The following MYO7A variants were observed in gnomAD, a reference collection of about 807,000 sequenced individuals.
MYO7A encodes myosin VIIA.
A neutral mutation model predicts 263.8 loss-of-function variants in MYO7A; 210 were observed. The ratio of observed to expected loss-of-function variants is 0.80; its 90% confidence interval spans 0.71 to 0.89. The LOEUF (loss-of-function observed/expected upper bound fraction) is 0.89, where lower values mean the gene tolerates loss of function less well. MYO7A is among the 40% of genes least tolerant of loss of function. The pLI, the probability that MYO7A is intolerant of heterozygous loss-of-function variation, is 0.00. For synonymous variants in MYO7A, 1,239 were observed against 1,197.3 expected (o/e 1.03, Z -0.72); for missense variants, 2,820 against 2,968.3 (o/e 0.95, Z 1.16).
In MYO7A at chr11:77,142,705, A is replaced by G. The variant is rs1267488205; in HGVS notation, c.19-4A>G. 9 of 1,607,016 alleles carry G rather than the reference A, an allele frequency of 5.6e-6. No homozygotes were observed. The highest frequency in any genetic ancestry group is 6.8e-6 in the Non-Finnish European group (8 of 1,176,878). ...CCTGGGCTGAGACTCTCTCTCGCCC[A>G]TAGGGGGACCATGTGTGGATGGACC... On this transcript the variant is annotated splice_region_variant and splice_polypyrimidine_tract_variant and intron_variant, in intron 2 of 48. Coordinates refer to ENST00000409709, the MANE Select transcript of MYO7A (RefSeq NM_000260.4).
chr11:77,208,854 A>C, intron 44 of MYO7A, 51 bp downstream of exon 44: 1 of 1,408,820 alleles, frequency 7.1e-7, no homozygotes, highest in Middle Eastern at 1.7e-4. Context: ...GCGTTGCTGT[A>C]CTTTGGCCCT....
chr11:77,175,050 G>A, intron 17 of MYO7A, 136 bp downstream of exon 17: 1 of 1,156,612 alleles, frequency 8.6e-7, no homozygotes, highest in Non-Finnish European at 1.2e-6. Context: ...GGAAAATTGG[G>A]GTTCAGGTAT....
At chr11:77,209,318 A>T (rs1387667719) in intron 44 of MYO7A, 1 of 155,394 alleles carries the variant, frequency 6.4e-6, no homozygotes, top group Non-Finnish European at 1.4e-5. Flanking sequence ...CACACAGCTG[A>T]TGGAACTGGG....
chr11:77,139,914 C>T (rs1555049609), intron 2 of MYO7A, among the ~76,000 whole-genome samples: 1 of 152,172 alleles, frequency 6.6e-6, no homozygotes, highest in East Asian at 1.9e-4. Flanking sequence ...CAGGAATATT[C>T]CCCTTCAGAA....
chr11:77,156,567 G>A lies in MYO7A; in HGVS notation c.471-93G>A, dbSNP rs1952473435. On this transcript the variant is annotated intron_variant, in intron 5 of 48. Coordinates refer to ENST00000409709, the MANE Select transcript of MYO7A (RefSeq NM_000260.4). ...TATTGTCAGCTGATATTACAGATGG[G>A]GGAGCTGGTGGATGGTGCAGCCTGG... The A allele has an allele frequency of 3.9e-6, 6 of 1,555,590 alleles. No individual in the cohort carries two copies. The South Asian group carries it at 5.8e-5, about 15-fold the overall frequency.
At chr11:77,169,208 C>G (rs1013107892) in intron 15 of MYO7A, among the ~76,000 whole-genome samples, 9 of 152,356 alleles carry the variant, frequency 5.9e-5, no homozygotes, top group Non-Finnish European at 8.8e-5. Flanking sequence ...ATCTGCACTC[C>G]CATCATCGGC....
chr11:77,175,359 A>T lies in MYO7A; in HGVS notation c.2095-13A>T, dbSNP rs1555079400. The stretch of plus-strand genomic sequence containing the variant: ...GGCTGTCCATTCCCTTGTGTTCCCC[A>T]TCCTCACTCCAGGGCGACCTCCGCG... On this transcript the variant is annotated splice_polypyrimidine_tract_variant and intron_variant, in intron 17 of 48. Transcript: ENST00000409709. 1 of 1,612,390 alleles carries T rather than the reference A, an allele frequency of 6.2e-7. No individual in the cohort carries two copies. The highest frequency in any genetic ancestry group is 1.7e-5 in the Admixed American group (1 of 60,018).
At chr11:77,170,871 A>G (rs1954025511) in intron 15 of MYO7A, among the ~76,000 whole-genome samples, 1 of 152,162 alleles carries the variant, frequency 6.6e-6, no homozygotes, top group Admixed American at 6.5e-5. Flanking sequence ...TAGAGCCTGT[A>G]GGATTTGCGG....
chr11:77,166,306 C>T (rs183375822), intron 15 of MYO7A, 144 bp downstream of exon 15: 1 of 699,174 alleles, frequency 1.4e-6, no homozygotes. Context: ...CAGGAGGGGC[C>T]TGGAGGGGCC....
intron 25 of MYO7A, among the ~76,000 whole-genome samples, chr11:77,182,862 T>C (rs965658372): frequency 2.6e-5 from 4 of 152,040 alleles, no homozygotes; most frequent in Non-Finnish European, 5.9e-5. Context: ...TCCCGTACTA[T>C]GTTTTTCTGA....
chr11:77,153,317 G>A (rs1255765248), intron 4 of MYO7A, among the ~76,000 whole-genome samples: 1 of 152,124 alleles, frequency 6.6e-6, no homozygotes, highest in Non-Finnish European at 1.5e-5. Flanking sequence ...GGTGCTGTTG[G>A]TCGAGTTGGG....
intron 44 of MYO7A, among the ~76,000 whole-genome samples, chr11:77,209,887 G>GC (rs1452311398): frequency 8.1e-4 from 124 of 152,300 alleles, no homozygotes; most frequent in African/African-American, 2.9e-3. Context: ...GCCCTGCCTG[G>GC]TGGTGCCACT....
intron 4 of MYO7A, among the ~76,000 whole-genome samples, chr11:77,148,838 T>A (rs997325522): frequency 4.6e-5 from 7 of 152,234 alleles, no homozygotes; most frequent in Non-Finnish European, 1.0e-4. Context: ...AAGAGTAGCA[T>A]TGTTTTTACA....
rs114071097 is a variant in MYO7A at position 77,163,346 on chromosome 11, T to C, written c.1690+358T>C. Among the ~76,000 whole-genome samples the C allele has an allele frequency of 8.8e-3, 1,347 of 152,298 alleles. 18 individuals are homozygous for C. Among genetic ancestry groups the C allele is most frequent in the African/African-American group, 0.031 (1,287 of 41,548 alleles). ...TAGGTACCTCATATAAGTGGAATCA[T>C]ATGCTATGGCCATACATCGTTTAAC... is the stretch of plus-strand genomic sequence containing the variant. On this transcript the variant is annotated intron_variant, in intron 14 of 48. Coordinates refer to ENST00000409709, the MANE Select transcript of MYO7A (RefSeq NM_000260.4).
intron 14 of MYO7A, 76 bp from the exon 15 acceptor site, chr11:77,165,980 T>A: frequency 9.3e-7 from 1 of 1,079,324 alleles, no homozygotes; most frequent in Non-Finnish European, 1.4e-6. Context: ...TTGAGGGTCC[T>A]CCTGGCTCAG....
At chr11:77,165,126 A>G (rs557291796) in intron 14 of MYO7A, among the ~76,000 whole-genome samples, 1 of 152,306 alleles carries the variant, frequency 6.6e-6, no homozygotes, top group Non-Finnish European at 1.5e-5. Flanking sequence ...TGAGAACCCA[A>G]TTACATCCCA....
rs368758657 is a variant in MYO7A at position 77,140,247 on chromosome 11, C to T, written c.19-2462C>T. On this transcript the variant is annotated intron_variant, in intron 2 of 48. Coordinates refer to ENST00000409709, the MANE Select transcript of MYO7A (RefSeq NM_000260.4). Reference sequence around the variant, plus strand: ...AGAGAGACCCCTGCCTTCCAGCTGCCCTCAGCCTAAGTCTCCAGCTTGCCT... The same window carrying T: ...AGAGAGACCCCTGCCTTCCAGCTGCTCTCAGCCTAAGTCTCCAGCTTGCCT... Among the ~76,000 whole-genome samples the T allele has an allele frequency of 3.4e-3, 513 of 152,334 alleles. 5 individuals are homozygous for T. Among genetic ancestry groups the T allele is most frequent in the African/African-American group, 0.012 (484 of 41,572 alleles).
At chr11:77,212,231 G>A (rs1414530770) in intron 46 of MYO7A, 2 of 541,602 alleles carry the variant, frequency 3.7e-6, no homozygotes, top group South Asian at 3.1e-5. Flanking sequence ...CCAGGTGGCA[G>A]AGCTCGGGAG....
rs186797107 is a variant in MYO7A at position 77,163,427 on chromosome 11, T to G, written c.1690+439T>G. ...TTGGTCATTGTCAATCATTGTAGAG[T>G]GTAGTTATACACCTAGATGGTCCAG... On this transcript the variant is annotated intron_variant, in intron 14 of 48. Transcript: ENST00000409709. Among the ~76,000 whole-genome samples, 192 of 152,274 alleles carry G rather than the reference T, an allele frequency of 1.3e-3. 1 individual carries two copies. The highest frequency in any genetic ancestry group is 6.8e-3 in the Middle Eastern group (2 of 294).
Sources: gnomAD v4.1 joint callset for allele counts (sites outside exome capture counted in the v4.1 genomes callset) on GRCh38, gnomAD v4.1.1 for gene constraint, MANE v1.5 for transcripts, NCBI Gene and HGNC (gene_info 2026-07-23, HGNC 2026-07-21) for gene names.